Variants in TAFA2 observed in about 807,000 individuals in gnomAD.
The protein encoded by TAFA2 is TAFA chemokine like family member 2.
In TAFA2, 7 loss-of-function variants were observed where a neutral mutation model predicts 18.8. That is an observed-to-expected ratio of 0.37 (90% CI 0.21 to 0.70). The LOEUF is 0.70. Among genes scored for constraint, TAFA2 ranks in the 30% least tolerant of loss-of-function variants. The pLI is 0.53. For missense variants in TAFA2, 122 were observed against 158.1 expected (o/e 0.77, Z 1.23); for synonymous variants, 60 against 54.2 (o/e 1.11, Z -0.47).
chr12:62,189,728 C>G (rs1454010927), intron 1 of TAFA2, among the ~76,000 whole-genome samples: 2 of 152,096 alleles, frequency 1.3e-5, no homozygotes, highest in Admixed American at 6.6e-5. Flanking sequence ...GTTCATTTGT[C>G]TTAACTTATA....
At chr12:61,869,082 G>A (rs1048253241) in intron 1 of TAFA2, among the ~76,000 whole-genome samples, 5 of 152,134 alleles carry the variant, frequency 3.3e-5, no homozygotes, top group Non-Finnish European at 7.4e-5. Context: ...TGTTTGGGAG[G>A]CTTGTCCATT....
chr12:61,914,564 A>T (rs1462472257), intron 1 of TAFA2, among the ~76,000 whole-genome samples: 1 of 152,222 alleles, frequency 6.6e-6, no homozygotes, highest in Non-Finnish European at 1.5e-5. Flanking sequence ...TCAATGAATA[A>T]AAACTACCTA....
intron 1 of TAFA2, among the ~76,000 whole-genome samples, chr12:61,971,819 A>G (rs1044776546): frequency 6.6e-6 from 1 of 151,814 alleles, no homozygotes; most frequent in Non-Finnish European, 1.5e-5. Flanking sequence ...ACATGTATAC[A>G]TATGCAACAA....
intron 1 of TAFA2, chr12:62,252,492 A>T (rs889013504): frequency 6.6e-6 from 1 of 152,194 alleles, no homozygotes; most frequent in African/African-American, 2.4e-5. Flanking sequence ...AGCTATGGAG[A>T]TGAGTAGCAC....
rs142344267 is a variant in TAFA2, at chr12:61,785,902, C to T, written c.107-30878G>A. Among the ~76,000 whole-genome samples the T allele has an allele frequency of 4.3e-3, 645 of 151,288 alleles. 14 individuals are homozygous for T. Among genetic ancestry groups the T allele is most frequent in the Admixed American group, 0.039 (595 of 15,122 alleles). Reference sequence around the variant, plus strand: ...TGAAAATCACAAACACAGTATGAAACTTAAAAAAAATTAGGGAGGGGGAAC... The same window carrying T: ...TGAAAATCACAAACACAGTATGAAATTTAAAAAAAATTAGGGAGGGGGAAC... On this transcript the variant is annotated intron_variant, in intron 2 of 4. Transcript: ENST00000416284.
At chr12:62,128,317 G>C (rs1167629071) in intron 1 of TAFA2, among the ~76,000 whole-genome samples, 2 of 151,994 alleles carry the variant, frequency 1.3e-5, no homozygotes, top group African/African-American at 4.8e-5. Context: ...TGTTAACTGT[G>C]ACAAAATCAA....
chr12:61,803,715 C>T (rs1871490147), intron 2 of TAFA2, among the ~76,000 whole-genome samples: 1 of 151,758 alleles, frequency 6.6e-6, no homozygotes, highest in Non-Finnish European at 1.5e-5. Flanking sequence ...TTTCTAAAGT[C>T]AGAAGCATAA....
At chr12:62,157,232 T>A (rs74473768) in intron 1 of TAFA2, among the ~76,000 whole-genome samples, 14 of 152,108 alleles carry the variant, frequency 9.2e-5, no homozygotes, top group Non-Finnish European at 1.9e-4. Flanking sequence ...AGCCTATGAA[T>A]TTTTTCATAT....
At chr12:62,021,317 A>G (rs1881128128) in intron 1 of TAFA2, among the ~76,000 whole-genome samples, 1 of 152,162 alleles carries the variant, frequency 6.6e-6, no homozygotes, top group South Asian at 2.1e-4. Flanking sequence ...TGAGGAACAG[A>G]TCGTGTTTGG....
intron 1 of TAFA2, among the ~76,000 whole-genome samples, chr12:62,111,877 GTGTC>G (rs1241427112): frequency 2.0e-5 from 3 of 152,096 alleles, no homozygotes; most frequent in African/African-American, 7.2e-5. Flanking sequence ...GAGCCTATGT[GTGTC>G]TTTGCACGTG....
chr12:61,785,242 G>A (rs977420591), intron 2 of TAFA2, among the ~76,000 whole-genome samples: 3 of 151,220 alleles, frequency 2.0e-5, no homozygotes, highest in African/African-American at 7.3e-5. Context: ...CTGATTTCAT[G>A]TAACGTAATG....
At position 62,110,281 on chromosome 12, in the gene TAFA2, T is replaced by C. The variant is rs1869664466; in HGVS notation, c.-2+80978A>G. On this transcript the variant is annotated intron_variant, in intron 1 of 4. Transcript: ENST00000416284. ...TTCTGTTTATATAATGGATTCTCTT[T>C]ATTGATTTGTGTATGTTGAACCAGC... Among the ~76,000 whole-genome samples the C allele has an allele frequency of 2.0e-5, 3 of 152,324 alleles. No individual in the cohort carries two copies. In the South Asian group the frequency reaches 6.2e-4, roughly 32 times the overall value.
intron 2 of TAFA2, among the ~76,000 whole-genome samples, chr12:61,788,987 T>C (rs1319751381): frequency 1.3e-5 from 2 of 151,782 alleles, no homozygotes; most frequent in African/African-American, 2.4e-5. Flanking sequence ...CACATTTTGA[T>C]GGGGTCATTT....
Position 62,191,315 on chromosome 12 carries a change from G to A in TAFA2, c.-58C>T, listed in dbSNP as rs954923787. The A allele has an allele frequency of 6.6e-6, 1 of 152,254 alleles. No homozygotes were observed. Among genetic ancestry groups the A allele is most frequent in the Non-Finnish European group, 1.5e-5 (1 of 68,056 alleles). The allele number at this position is 152,254 out of a possible 1,614,324, so 9.4% of individuals were successfully genotyped here. A position where few individuals can be genotyped will look rare whatever the true frequency, so the allele number is the denominator to read the frequency against. On this transcript the variant is annotated 5_prime_UTR_variant, in exon 1 of 5. Coordinates refer to ENST00000416284, the MANE Select transcript of TAFA2 (RefSeq NM_178539.5). ...CTAGCGATGCTCCTGCAGCTTTTGCGGGCCGGCGCCAGCCTTATCGCTCTC... is the reference window on the plus strand; with the variant it reads ...CTAGCGATGCTCCTGCAGCTTTTGCAGGCCGGCGCCAGCCTTATCGCTCTC...
chr12:61,749,930 A>G (rs1868929536), intron 4 of TAFA2, among the ~76,000 whole-genome samples: 1 of 152,196 alleles, frequency 6.6e-6, no homozygotes, highest in Middle Eastern at 3.4e-3. Context: ...CAAGGACTAT[A>G]AATCCTAAAA....
chr12:62,044,288 G>A (rs1321711303), intron 1 of TAFA2, among the ~76,000 whole-genome samples: 3 of 152,060 alleles, frequency 2.0e-5, no homozygotes, highest in Non-Finnish European at 4.4e-5. Flanking sequence ...AATAATCTGA[G>A]TGTTTTAACA....
intron 1 of TAFA2, among the ~76,000 whole-genome samples, chr12:61,917,894 C>A (rs1238670603): frequency 6.6e-6 from 1 of 152,102 alleles, no homozygotes; most frequent in Non-Finnish European, 1.5e-5. Flanking sequence ...AAGAATGAGA[C>A]TTTATTCAGG....
At chr12:61,727,425 T>A (rs1347708363) in intron 4 of TAFA2, among the ~76,000 whole-genome samples, 1 of 151,930 alleles carries the variant, frequency 6.6e-6, no homozygotes, top group Non-Finnish European at 1.5e-5. Flanking sequence ...AGAGTTTCTA[T>A]TTCTTTCTGG....
At chr12:62,012,716 A>C (rs1216456264) in intron 1 of TAFA2, among the ~76,000 whole-genome samples, 1 of 152,180 alleles carries the variant, frequency 6.6e-6, no homozygotes, top group African/African-American at 2.4e-5. Context: ...CCAAAATTTA[A>C]CCTTATCAAT....
Sources: gnomAD v4.1 joint callset for allele counts (sites outside exome capture counted in the v4.1 genomes callset) on GRCh38, gnomAD v4.1.1 for gene constraint, MANE v1.5 for transcripts, NCBI Gene and HGNC (gene_info 2026-07-23, HGNC 2026-07-21) for gene names.